LCTL: variants seen among roughly 807,000 people sequenced by gnomAD.
The protein encoded by LCTL is lactase like.
LCTL carries 76 observed loss-of-function variants against 75.8 expected under a neutral mutation model. The observed-to-expected ratio is 1.00, with a 90% confidence interval of 0.83 to 1.21. The LOEUF is 1.21. LCTL is among the 50% of genes most tolerant of loss of function. The probability of loss-of-function intolerance (pLI) is 0.00; values close to 1 mark genes in which losing one functional copy is unlikely to be tolerated. For missense variants in LCTL, 670 were observed against 712.4 expected, an observed-to-expected ratio of 0.94 and a Z score of 0.68; for synonymous variants, 271 against 268.8, an observed-to-expected ratio of 1.01 and a Z score of -0.08.
chr15:66,561,464 G>T (rs893401779), intron 4 of LCTL, 149 bp from the exon 6 acceptor site: 1 of 849,370 alleles, frequency 1.2e-6, no homozygotes, highest in South Asian at 1.7e-5. Context: ...TGGATGGATT[G>T]AATATTTAAG....
chr15:66,563,626 C>T lies in LCTL; in HGVS notation c.371-1G>A. On this transcript the variant is annotated splice_acceptor_variant, in intron 3 of 12. Coordinates refer to ENST00000341509, the Ensembl canonical transcript of LCTL. LOFTEE classifies it high-confidence loss of function. ...ATTCCCTTCTTGTTCACCTGCTCGGCTGCAGGTGAAATAAAAGAAGATGCT... is the reference window on the plus strand; with the variant it reads ...ATTCCCTTCTTGTTCACCTGCTCGGTTGCAGGTGAAATAAAAGAAGATGCT... The T allele has an allele frequency of 6.3e-7, 1 of 1,593,748 alleles. No individual in the cohort carries two copies. Among genetic ancestry groups the T allele is most frequent in the South Asian group, 1.1e-5 (1 of 90,248 alleles).
exon 3 of LCTL, chr15:66,563,930 G>A (rs751406998): frequency 1.2e-6 from 2 of 1,614,166 alleles, no homozygotes; most frequent in Non-Finnish European, 1.7e-6. Flanking sequence ...CTGTGGGCAG[G>A]AGCCGGGGCC....
In LCTL at chr15:66,552,032, T is replaced by G; in HGVS notation, c.1324+11A>C. The G allele has an allele frequency of 1.2e-6, 2 of 1,605,938 alleles. No homozygotes were observed. The highest frequency in any genetic ancestry group is 1.7e-6 in the Non-Finnish European group (2 of 1,177,328). On this transcript the variant is annotated intron_variant, in intron 10 of 12. Coordinates refer to ENST00000341509, the Ensembl canonical transcript of LCTL. ...CGGGAAAACTGCAGACAATCTTGGT[T>G]TGTGTCTCACCTTTTAGCATTTCAT...
At position 66,551,810 on chromosome 15, in the gene LCTL, T is replaced by C. The variant is rs377273590; in HGVS notation, c.1376A>G (p.Asp459Gly). 1.8e-5 allele frequency: 29 copies of C among 1,613,854 alleles called. No homozygotes were observed. The African/African-American group carries it at 2.9e-4, about 16-fold the overall frequency. The stretch of plus-strand genomic sequence containing the variant: ...GTATCCTTTCTCCCATTCAAACTTA[T>C]CCAACAGAGACCAGGAAGTATACCC... The change falls in exon 11 of 13, where the codon GAT becomes GGT. Residue 459 changes from aspartate (D) to glycine (G), a missense_variant. Physicochemically the swap from Asp to Gly is moderately conservative, Grantham distance 94 (BLOSUM62 -1). Coordinates refer to ENST00000341509, the Ensembl canonical transcript of LCTL.
intron 12 of LCTL, chr15:66,549,800 T>C (rs1372589452): frequency 2.9e-6 from 1 of 342,432 alleles, no homozygotes; most frequent in Non-Finnish European, 5.3e-6. Context: ...ATAGGTATGA[T>C]TCTGAAAGAA....
exon 5 of LCTL, chr15:66,561,217 C>T (rs1324662891): frequency 1.2e-6 from 2 of 1,614,132 alleles, no homozygotes; most frequent in African/African-American, 2.7e-5. Flanking sequence ...TCCAGTGCTT[C>T]ACACGGTCCC....
At chr15:66,565,096 A>AC (rs140244065) in intron 1 of LCTL, 152 bp downstream of exon 2, 93,697 of 688,944 alleles carry the variant, frequency 0.14, 6,075 homozygotes, top group Non-Finnish European at 0.17. Flanking sequence ...CAAAAAAAAA[A>AC]TATCTGTTAG....
chr15:66,551,074 C>T (rs565301641), intron 11 of LCTL, among the ~76,000 whole-genome samples: 23 of 151,790 alleles, frequency 1.5e-4, no homozygotes, highest in Admixed American at 2.6e-4. Flanking sequence ...TTGGGCCAGG[C>T]GCGGTGGCTC....
chr15:66,564,569 T>C (rs1309326726), intron 2 of LCTL, 107 bp downstream of exon 3: 3 of 1,255,900 alleles, frequency 2.4e-6, no homozygotes, highest in South Asian at 1.4e-5. Context: ...GGGGATGACA[T>C]TGTCATCAGA....
intron 4 of LCTL, 147 bp downstream of exon 5, chr15:66,563,369 A>AT (rs571937255): frequency 6.1e-5 from 34 of 557,400 alleles, no homozygotes; most frequent in African/African-American, 4.3e-4. Context: ...AGTCAGAGAG[A>AT]TTTTTTCACT....
In LCTL at chr15:66,548,616, A is replaced by G. The variant is rs768424509; in HGVS notation, c.1589-11T>C. On this transcript the variant is annotated splice_polypyrimidine_tract_variant and intron_variant, in intron 12 of 12. Transcript: ENST00000341509. ...GACTTAGCAAGGGCTCTGAAATGAC[A>G]AAGAGAACGAGCACCACAAATGAGA... is the stretch of plus-strand genomic sequence containing the variant. The G allele has an allele frequency of 7.3e-7, 1 of 1,379,194 alleles. No homozygotes were observed. The highest frequency in any genetic ancestry group is 1.0e-6 in the Non-Finnish European group (1 of 966,320). 85.4% of individuals were successfully genotyped at this position (1,379,194 alleles called of 1,614,324 possible). A position where few individuals can be genotyped will look rare whatever the true frequency, so the allele number is the denominator to read the frequency against.
intron 12 of LCTL, 128 bp downstream of exon 13, chr15:66,549,913 C>T: frequency 3.8e-6 from 2 of 531,564 alleles, no homozygotes; most frequent in South Asian, 4.2e-5. Flanking sequence ...TCAAAGAAAC[C>T]TGATTTTAAT....
At chr15:66,550,718 G>T (rs936524537) in intron 11 of LCTL, among the ~76,000 whole-genome samples, 4 of 152,002 alleles carry the variant, frequency 2.6e-5, no homozygotes, top group African/African-American at 9.7e-5. Flanking sequence ...GCCCCAAGCA[G>T]TCCTCCCACT....
exon 10 of LCTL, chr15:66,552,098 T>C: frequency 6.2e-7 from 1 of 1,611,276 alleles, no homozygotes; most frequent in Non-Finnish European, 8.5e-7. Flanking sequence ...ACTCATCACA[T>C]AATTGAGTAC....
chr15:66,564,305 C>T (rs1052139719), intron 2 of LCTL: 11 of 493,600 alleles, frequency 2.2e-5, no homozygotes, highest in African/African-American at 1.2e-4. Context: ...TGAGGATGAG[C>T]GGGTCCCACT....
intron 11 of LCTL, among the ~76,000 whole-genome samples, chr15:66,551,112 G>C (rs1895581933): frequency 6.6e-6 from 1 of 151,864 alleles, no homozygotes; most frequent in South Asian, 2.1e-4. Flanking sequence ...ACTTTAGGAG[G>C]CTGAGGTGGG....
intron 12 of LCTL, 164 bp downstream of exon 13, chr15:66,549,877 C>T: frequency 2.1e-6 from 1 of 474,708 alleles, no homozygotes; most frequent in African/African-American, 2.0e-5. Context: ...CTTTAAAATG[C>T]TTATAAATAG....
chr15:66,553,140 C>T (rs1392446711), exon 9 of LCTL: 3 of 1,611,962 alleles, frequency 1.9e-6, no homozygotes, highest in Non-Finnish European at 2.5e-6. Context: ...CCGTGATGTA[C>T]CGAGTAGTAA....
In LCTL at chr15:66,563,913, C is replaced by T. The variant is rs148762582; in HGVS notation, c.368G>A (p.Arg123Gln). The change falls in exon 3 of 13, where the codon CGA becomes CAA. Residue 123 changes from arginine to glutamine, a missense_variant and splice_region_variant. Transcript: ENST00000341509. ...CAAGAGGGGCTTCCCTAGCTCACCT[C>T]GGATGCCTGTGGGCAGGAGCCGGGG... The T allele has an allele frequency of 3.3e-5, 53 of 1,613,646 alleles. 1 individual carries two copies. In the South Asian group the frequency reaches 4.8e-4, roughly 15 times the overall value.
Sources: allele counts gnomAD v4.1 joint callset (sites outside exome capture counted in the v4.1 genomes callset), GRCh38; gene constraint gnomAD v4.1.1; transcripts MANE v1.5; gene names NCBI Gene and HGNC (gene_info 2026-07-23, HGNC 2026-07-21).